MARCHF1: variants seen among roughly 807,000 people sequenced by gnomAD.
MARCHF1 encodes the protein E3 ubiquitin-protein ligase MARCHF1.
A neutral mutation model predicts 54.2 loss-of-function variants in MARCHF1; 40 were observed. The ratio of observed to expected loss-of-function variants is 0.74; its 90% CI spans 0.57 to 0.96. The LOEUF (loss-of-function observed/expected upper bound fraction) is 0.96. MARCHF1 is among the 40% of genes least tolerant of loss of function. The pLI is 0.00. For missense variants in MARCHF1, 586 were observed against 656.5 expected, an observed-to-expected ratio of 0.89 and a Z score of 1.17; for synonymous variants, 236 against 236.3, an observed-to-expected ratio of 1.00 and a Z score of 0.01.
At position 164,357,081 on chromosome 4, in the gene MARCHF1, A is replaced by G. The variant is rs993123232; in HGVS notation, c.-323+26789T>C. Among the ~76,000 whole-genome samples, 3 of 151,548 alleles carry G rather than the reference A, an allele frequency of 2.0e-5. No individual in the cohort carries two copies. In the Admixed American group the frequency reaches 2.0e-4, roughly 10 times the overall value. ...CCCCACAAGTTTACCTATATAACAA[A>G]TCTGCATATGCACCCCTGAACTTAA... On this transcript the variant is annotated intron_variant, in intron 1 of 9. Transcript: ENST00000514618.
At chr4:163,813,904 C>T (rs946497398) in intron 4 of MARCHF1, among the ~76,000 whole-genome samples, 1 of 152,094 alleles carries the variant, frequency 6.6e-6, no homozygotes, top group African/African-American at 2.4e-5. Context: ...TTTGGAACAC[C>T]AAGCTCTATG....
chr4:164,153,229 T>A (rs1729991611), intron 1 of MARCHF1, among the ~76,000 whole-genome samples: 1 of 151,396 alleles, frequency 6.6e-6, no homozygotes, highest in African/African-American at 2.4e-5. Context: ...CATCAACCAC[T>A]AAAGCAGTCA....
chr4:163,766,170 G>A (rs180970717), intron 4 of MARCHF1, among the ~76,000 whole-genome samples: 216 of 151,816 alleles, frequency 1.4e-3, no homozygotes, highest in Non-Finnish European at 2.2e-3. Flanking sequence ...ATATTTTTAC[G>A]CCAGAGGTGT....
chr4:164,119,979 A>G (rs113567087), intron 1 of MARCHF1, among the ~76,000 whole-genome samples: 9 of 152,140 alleles, frequency 5.9e-5, no homozygotes, highest in African/African-American at 9.6e-5. Flanking sequence ...TCACTTATAC[A>G]TTATTTTTAT....
At chr4:164,183,454 A>G (rs1292416454) in intron 1 of MARCHF1, among the ~76,000 whole-genome samples, 1 of 152,096 alleles carries the variant, frequency 6.6e-6, no homozygotes, top group African/African-American at 2.4e-5. Flanking sequence ...TGACTTTGTG[A>G]GATCTGTTGC....
chr4:163,663,592 G>A (rs1743425815), intron 5 of MARCHF1, among the ~76,000 whole-genome samples: 1 of 151,948 alleles, frequency 6.6e-6, no homozygotes, highest in African/African-American at 2.4e-5. Context: ...GGGTTTTACT[G>A]GCAAGGGAGC....
At chr4:163,735,836 G>A (rs1746019326) in intron 4 of MARCHF1, among the ~76,000 whole-genome samples, 2 of 152,064 alleles carry the variant, frequency 1.3e-5, no homozygotes, top group African/African-American at 4.8e-5. Flanking sequence ...GTTGATATAT[G>A]TGTTAGGATT....
chr4:164,191,868 A>G (rs1400389317), intron 1 of MARCHF1, among the ~76,000 whole-genome samples: 2 of 152,156 alleles, frequency 1.3e-5, no homozygotes, highest in Non-Finnish European at 2.9e-5. Context: ...AATATTTAGT[A>G]TATCATATGT....
intron 2 of MARCHF1, among the ~76,000 whole-genome samples, chr4:164,079,871 AAG>A (rs1417186468): frequency 6.6e-6 from 1 of 152,198 alleles, no homozygotes; most frequent in African/African-American, 2.4e-5. Context: ...TTATTACAGA[AAG>A]AATGAATAAT....
chr4:163,658,169 A>G (rs1402619641), intron 5 of MARCHF1, among the ~76,000 whole-genome samples: 2 of 152,044 alleles, frequency 1.3e-5, no homozygotes, highest in East Asian at 3.9e-4. Context: ...ACAAAGGTCT[A>G]ATAGCCGGAA....
intron 5 of MARCHF1, among the ~76,000 whole-genome samples, chr4:163,628,117 A>G (rs2110980953): frequency 6.6e-6 from 1 of 152,316 alleles, no homozygotes; most frequent in Non-Finnish European, 1.5e-5. Context: ...GTTGTTTGAA[A>G]GATACTATGA....
Position 163,525,624 on chromosome 4 carries a change from A to G in MARCHF1, c.*3124T>C, listed in dbSNP as rs975365396. The G allele has an allele frequency of 3.9e-5, 5 of 128,144 alleles. No homozygotes were observed. Among genetic ancestry groups the G allele is most frequent in the Admixed American group, 1.8e-4 (2 of 11,156 alleles). 7.9% of individuals were successfully genotyped at this position (128,144 alleles called of 1,614,324 possible). On this transcript the variant is annotated 3_prime_UTR_variant, in exon 10 of 10. Transcript: ENST00000514618. ...TTCTTTAAAAAAATTAACAGCATCA[A>G]TGTCTGGTTTAATACTGAAGATTCA...
At chr4:164,357,965 T>C (rs941478071) in intron 1 of MARCHF1, among the ~76,000 whole-genome samples, 3 of 152,088 alleles carry the variant, frequency 2.0e-5, no homozygotes, top group Admixed American at 1.3e-4. Context: ...TTTTCGGTGA[T>C]CAGGTGACAG....
intron 5 of MARCHF1, among the ~76,000 whole-genome samples, chr4:163,637,114 T>A (rs1255264249): frequency 1.3e-5 from 2 of 151,164 alleles, no homozygotes; most frequent in African/African-American, 4.9e-5. Flanking sequence ...ATTAAAGACT[T>A]AAGCGTTAGA....
At chr4:164,164,273 C>T (rs1044533876) in intron 1 of MARCHF1, among the ~76,000 whole-genome samples, 2 of 151,540 alleles carry the variant, frequency 1.3e-5, no homozygotes, top group African/African-American at 4.8e-5. Context: ...ATTTAAAATT[C>T]ATGAAAAGCC....
intron 5 of MARCHF1, among the ~76,000 whole-genome samples, chr4:163,641,129 T>C (rs1742537976): frequency 6.6e-6 from 1 of 152,164 alleles, no homozygotes; most frequent in South Asian, 2.1e-4. Context: ...ATTTACTTAA[T>C]GTTACAATAT....
intron 2 of MARCHF1, among the ~76,000 whole-genome samples, chr4:164,099,407 C>T (rs1029003897): frequency 2.6e-5 from 4 of 152,122 alleles, no homozygotes; most frequent in African/African-American, 9.7e-5. Context: ...TATAATTGTA[C>T]AAATTTCTTT....
At chr4:164,202,989 G>C (rs1025040715) in intron 1 of MARCHF1, among the ~76,000 whole-genome samples, 2 of 151,780 alleles carry the variant, frequency 1.3e-5, no homozygotes, top group Non-Finnish European at 2.9e-5. Context: ...CAGAGAAAGG[G>C]AGAAAGAGAG....
At chr4:164,367,101 T>C (rs1730900712) in intron 1 of MARCHF1, among the ~76,000 whole-genome samples, 1 of 151,940 alleles carries the variant, frequency 6.6e-6, no homozygotes, top group South Asian at 2.1e-4. Flanking sequence ...AGAGAGGGAA[T>C]TTTTTTCACA....
Sources: allele counts gnomAD v4.1 joint callset (sites outside exome capture counted in the v4.1 genomes callset), GRCh38; gene constraint gnomAD v4.1.1; transcripts MANE v1.5; gene names NCBI Gene and HGNC (gene_info 2026-07-23, HGNC 2026-07-21).